Variants in MYRFL observed in about 807,000 individuals in gnomAD.
MYRFL encodes the protein myelin regulatory factor-like protein.
A neutral mutation model predicts 109.4 loss-of-function variants in MYRFL; 88 were observed. The observed-to-expected ratio is 0.80, with a 90% CI of 0.68 to 0.96. MYRFL has a LOEUF of 0.96. Among genes scored for constraint, MYRFL ranks in the 40% least tolerant of loss-of-function variants. MYRFL has a pLI of 0.00. For synonymous variants in MYRFL, 324 were observed against 320.9 expected (o/e 1.01, Z -0.10); for missense variants, 957 against 954.9 (o/e 1.00, Z -0.03).
intron 13 of MYRFL, among the ~76,000 whole-genome samples, chr12:69,915,356 T>C (rs890848086): frequency 1.3e-5 from 2 of 152,162 alleles, no homozygotes; most frequent in African/African-American, 4.8e-5. Flanking sequence ...TTCTGTCCCA[T>C]CACCTGATCC....
At chr12:69,866,080 C>T (rs1171843588) in intron 2 of MYRFL, among the ~76,000 whole-genome samples, 1 of 152,062 alleles carries the variant, frequency 6.6e-6, no homozygotes, top group Non-Finnish European at 1.5e-5. Flanking sequence ...AAAAATCTGC[C>T]TGGCTCTAGA....
At position 69,926,745 on chromosome 12, in the gene MYRFL, C is replaced by T. The variant is rs973351053; in HGVS notation, c.1766+11C>T. 22 of 1,419,666 alleles carry T rather than the reference C, an allele frequency of 1.5e-5. No individual in the cohort carries two copies. The highest frequency in any genetic ancestry group is 1.8e-5 in the Non-Finnish European group (19 of 1,084,954). 87.9% of individuals were successfully genotyped at this position (1,419,666 alleles called of 1,614,324 possible). Reference sequence around the variant, plus strand: ...AGCAAGCACAATCAGGTACGTGCAGCCAGGATTGCCATAGAAATTTGGGGA... The same window carrying T: ...AGCAAGCACAATCAGGTACGTGCAGTCAGGATTGCCATAGAAATTTGGGGA... On this transcript the variant is annotated intron_variant, in intron 14 of 24. Coordinates refer to ENST00000552032, the MANE Select transcript of MYRFL (RefSeq NM_182530.3).
chr12:69,869,584 G>C (rs563569672), intron 2 of MYRFL, among the ~76,000 whole-genome samples: 1 of 152,158 alleles, frequency 6.6e-6, no homozygotes, highest in Non-Finnish European at 1.5e-5. Context: ...ACAGTCTTTC[G>C]TATTTGTTAT....
intron 2 of MYRFL, among the ~76,000 whole-genome samples, chr12:69,869,108 TAAC>T (rs1236705275): frequency 8.5e-5 from 13 of 152,324 alleles, no homozygotes; most frequent in East Asian, 1.9e-4. Context: ...ATACTTTAAA[TAAC>T]AACCATTTTT....
At chr12:69,916,681 A>G (rs1317494628) in intron 13 of MYRFL, among the ~76,000 whole-genome samples, 2 of 152,080 alleles carry the variant, frequency 1.3e-5, no homozygotes, top group African/African-American at 4.8e-5. Context: ...CTGGCTACAG[A>G]CTGTTATAAC....
intron 2 of MYRFL, among the ~76,000 whole-genome samples, chr12:69,872,541 C>T (rs1453252115): frequency 7.2e-5 from 11 of 151,946 alleles, no homozygotes; most frequent in Admixed American, 7.2e-4. Flanking sequence ...CGCTCTGTTG[C>T]CTAGGCTGGA....
Position 69,895,397 on chromosome 12 carries a change from C to G in MYRFL, c.1007C>G (p.Thr336Ser). ...VKIDLLADQV[T>S]KVTLGRLHFS... ...ATTGACCTACTGGCTGACCAGGTCA[C>G]CAAAGTAACACTGGGACGATTACAC... is the stretch of plus-strand genomic sequence containing the variant. The change falls in exon 9 of 25, where the codon ACC (threonine) becomes AGC (serine). Residue 336 changes from threonine (T) to serine (S), a missense_variant. Thr to Ser is a moderately conservative substitution (Grantham distance 58). Coordinates refer to ENST00000552032, the MANE Select transcript of MYRFL (RefSeq NM_182530.3). The G allele has an allele frequency of 4.6e-6, 7 of 1,535,168 alleles. No homozygotes were observed.
At chr12:69,926,868 C>T (rs1478690809) in intron 14 of MYRFL, 134 bp downstream of exon 14, 1 of 668,044 alleles carries the variant, frequency 1.5e-6, no homozygotes, top group Non-Finnish European at 1.9e-6. Context: ...CTGCATTTTT[C>T]TTTTAGAATA....
chr12:69,947,923 G>T (rs1026842954), intron 19 of MYRFL, among the ~76,000 whole-genome samples: 3 of 152,158 alleles, frequency 2.0e-5, no homozygotes, highest in African/African-American at 4.8e-5. Context: ...ACCATGACAG[G>T]AGTATGCTTT....
chr12:69,829,467 A>G (rs1228214095), intron 1 of MYRFL, among the ~76,000 whole-genome samples: 2 of 152,060 alleles, frequency 1.3e-5, no homozygotes, highest in African/African-American at 2.4e-5. Context: ...GAAGGGCTTC[A>G]GGGAGGTTAA....
chr12:69,923,852 G>C (rs1566028300), intron 13 of MYRFL, among the ~76,000 whole-genome samples: 1 of 151,946 alleles, frequency 6.6e-6, no homozygotes, highest in East Asian at 1.9e-4. Context: ...TGTTTCTAGG[G>C]GATGTTTTTA....
intron 7 of MYRFL, among the ~76,000 whole-genome samples, chr12:69,892,573 G>A (rs955792587): frequency 1.3e-5 from 2 of 152,152 alleles, no homozygotes; most frequent in Non-Finnish European, 2.9e-5. Context: ...ATTGTGCCTG[G>A]CCTACATATT....
intron 15 of MYRFL, among the ~76,000 whole-genome samples, chr12:69,929,269 C>A (rs1471373554): frequency 6.6e-6 from 1 of 152,130 alleles, no homozygotes; most frequent in Non-Finnish European, 1.5e-5. Context: ...ACTCAGAGAC[C>A]TCTTGCTGTC....
intron 13 of MYRFL, among the ~76,000 whole-genome samples, chr12:69,911,640 T>C (rs1178601308): frequency 6.6e-6 from 1 of 152,230 alleles, no homozygotes; most frequent in African/African-American, 2.4e-5. Flanking sequence ...ATGCTGTGTG[T>C]ATGATTTGAG....
intron 1 of MYRFL, among the ~76,000 whole-genome samples, chr12:69,831,157 G>T (rs1172635420): frequency 6.6e-6 from 1 of 152,090 alleles, no homozygotes; most frequent in African/African-American, 2.4e-5. Flanking sequence ...CATACAGTAA[G>T]CATCTCTTAA....
chr12:69,921,441 C>T (rs1010110235), intron 13 of MYRFL, among the ~76,000 whole-genome samples: 1 of 152,190 alleles, frequency 6.6e-6, no homozygotes. Context: ...TCTGCTCATA[C>T]AGACCTAATC....
intron 7 of MYRFL, among the ~76,000 whole-genome samples, chr12:69,891,626 CCTTCCTTTCTTTT>C: frequency 5.3e-5 from 1 of 18,836 alleles, no homozygotes; most frequent in African/African-American, 2.5e-4. Flanking sequence ...TTTCTTTCCT[CCTTCCTTTCTTTT>C]TCTTTCTTTC....
At chr12:69,878,961 C>T (rs1592744176) in intron 2 of MYRFL, 67 bp from the exon 3 acceptor site, 1 of 702,364 alleles carries the variant, frequency 1.4e-6, no homozygotes. Flanking sequence ...GGGTTGTCTC[C>T]CATTTGTGAC....
chr12:69,939,415 C>A (rs1453640245), intron 19 of MYRFL, among the ~76,000 whole-genome samples: 1 of 152,160 alleles, frequency 6.6e-6, no homozygotes, highest in Non-Finnish European at 1.5e-5. Flanking sequence ...CTGGGAGGCA[C>A]CCTCCAGCAG....
Sources: allele counts gnomAD v4.1 joint callset (sites outside exome capture counted in the v4.1 genomes callset), GRCh38; gene constraint gnomAD v4.1.1; transcripts MANE v1.5; gene names NCBI Gene and HGNC (gene_info 2026-07-23, HGNC 2026-07-21).